OLFM3: variants seen among roughly 807,000 people sequenced by gnomAD.
OLFM3 encodes noelin-3.
Under a neutral mutation model 48.6 loss-of-function variants are expected in OLFM3, and 20 were observed. The ratio of observed to expected loss-of-function variants is 0.41; its 90% CI spans 0.29 to 0.60. The LOEUF (loss-of-function observed/expected upper bound fraction) is 0.60, where lower values mean the gene tolerates loss of function less well. OLFM3 is among the 20% of genes least tolerant of loss of function. The probability of loss-of-function intolerance (pLI) is 0.28; values close to 1 mark genes in which losing one functional copy is unlikely to be tolerated. For missense variants in OLFM3, 437 were observed against 544.3 expected, an observed-to-expected ratio of 0.80 and a Z score of 1.96; for synonymous variants, 222 against 198.1, an observed-to-expected ratio of 1.12 and a Z score of -1.01.
At chr1:101,886,448 T>G (rs1002796703) in intron 1 of OLFM3, among the ~76,000 whole-genome samples, 10 of 151,990 alleles carry the variant, frequency 6.6e-5, no homozygotes, top group Admixed American at 3.3e-4. Flanking sequence ...TGTATGTACA[T>G]AAAATAAAGT....
At chr1:101,896,595 C>G (rs975185126) in intron 1 of OLFM3, among the ~76,000 whole-genome samples, 7 of 147,484 alleles carry the variant, frequency 4.7e-5, no homozygotes, top group South Asian at 2.2e-4. Flanking sequence ...CTCCGGTTCA[C>G]GCCATTCTCC....
chr1:101,898,934 A>G (rs999655964), intron 1 of OLFM3, among the ~76,000 whole-genome samples: 1 of 152,164 alleles, frequency 6.6e-6, no homozygotes, highest in Non-Finnish European at 1.5e-5. Flanking sequence ...TTATTCAGCA[A>G]TTCATTCATT....
intron 3 of OLFM3, among the ~76,000 whole-genome samples, chr1:101,827,933 T>C (rs1003907645): frequency 6.6e-6 from 1 of 152,130 alleles, no homozygotes; most frequent in African/African-American, 2.4e-5. Context: ...GGGGGTGGTT[T>C]CCCCCATGCT....
chr1:101,937,687 C>A (rs1659665958), intron 1 of OLFM3, among the ~76,000 whole-genome samples: 1 of 152,148 alleles, frequency 6.6e-6, no homozygotes, highest in African/African-American at 2.4e-5. Context: ...TTTTTCCTCC[C>A]AGTCTCAGGT....
intron 1 of OLFM3, among the ~76,000 whole-genome samples, chr1:101,915,646 A>C (rs865841544): frequency 1.3e-4 from 20 of 152,194 alleles, no homozygotes; most frequent in Admixed American, 7.2e-4. Flanking sequence ...ATGAATGTTA[A>C]AATAAAGTAA....
In OLFM3 at chr1:101,896,488, C is replaced by CTTTTT. The variant is rs35260761; in HGVS notation, c.70-59468_70-59464dup. On this transcript the variant is annotated intron_variant, in intron 1 of 5. Coordinates refer to ENST00000370103, the MANE Select transcript of OLFM3 (RefSeq NM_058170.4). Reference sequence around the variant, plus strand: ...TTTTTCAATTTAGCATGCTTACACACTTTTTTTTTTTTTTTTTTTTTTTTG... The same window carrying CTTTTT: ...TTTTTCAATTTAGCATGCTTACACACTTTTTTTTTTTTTTTTTTTTTTTTTTTTTG... 8.3e-4 allele frequency among the ~76,000 whole-genome samples: 64 copies of CTTTTT among 76,694 alleles called. 1 individual carries two copies. The highest frequency in any genetic ancestry group is 1.5e-3 in the Admixed American group (9 of 6,132). 50.3% of individuals were successfully genotyped at this position (76,694 alleles called of 152,430 possible). A position where few individuals can be genotyped will look rare whatever the true frequency, so the allele number is the denominator to read the frequency against.
intron 1 of OLFM3, among the ~76,000 whole-genome samples, chr1:101,919,858 A>G (rs1038703078): frequency 6.6e-6 from 1 of 152,146 alleles, no homozygotes; most frequent in Non-Finnish European, 1.5e-5. Flanking sequence ...AGCATATCCT[A>G]AACTGAATTT....
intron 1 of OLFM3, among the ~76,000 whole-genome samples, chr1:101,912,750 A>G (rs1289250693): frequency 1.3e-5 from 2 of 152,206 alleles, no homozygotes; most frequent in Non-Finnish European, 2.9e-5. Flanking sequence ...TATTATCTAA[A>G]TTTCCTCCAT....
At chr1:101,895,970 GTAATAATAATAATAATAA>G (rs71720190) in intron 1 of OLFM3, among the ~76,000 whole-genome samples, 2 of 145,048 alleles carry the variant, frequency 1.4e-5, no homozygotes, top group African/African-American at 2.5e-5. Flanking sequence ...TAAAACATAG[GTAATAATAATAATAATAA>G]TAATAATAAT....
intron 1 of OLFM3, chr1:101,893,321 A>T (rs571390014): frequency 1.3e-5 from 5 of 377,930 alleles, no homozygotes; most frequent in Non-Finnish European, 2.7e-5. Flanking sequence ...AATTCATCAG[A>T]TAGAACCCGG....
At chr1:101,996,393 A>G (rs1661557270) in intron 1 of OLFM3, among the ~76,000 whole-genome samples, 1 of 152,108 alleles carries the variant, frequency 6.6e-6, no homozygotes, top group Admixed American at 6.5e-5. Context: ...CATGTTTATA[A>G]ATTGCATTGT....
intron 1 of OLFM3, among the ~76,000 whole-genome samples, chr1:101,889,203 G>C (rs1371651098): frequency 6.6e-6 from 1 of 152,086 alleles, no homozygotes; most frequent in Non-Finnish European, 1.5e-5. Context: ...ACATGCACAC[G>C]TATGTTTATT....
intron 1 of OLFM3, among the ~76,000 whole-genome samples, chr1:101,946,130 G>A (rs1046911292): frequency 3.9e-5 from 6 of 152,136 alleles, no homozygotes; most frequent in African/African-American, 1.4e-4. Context: ...TAAGTTTGCA[G>A]ATCACTGAGA....
chr1:101,988,692 A>C (rs578220206), intron 1 of OLFM3, among the ~76,000 whole-genome samples: 1 of 152,202 alleles, frequency 6.6e-6, no homozygotes, highest in South Asian at 2.1e-4. Context: ...ATCTTATATC[A>C]ATAAGACACT....
At chr1:101,891,903 T>C (rs1025441062) in intron 1 of OLFM3, among the ~76,000 whole-genome samples, 2 of 152,006 alleles carry the variant, frequency 1.3e-5, no homozygotes, top group African/African-American at 4.8e-5. Context: ...AATATAAATG[T>C]TGAACATGGC....
At chr1:101,992,138 T>C (rs563002475) in intron 1 of OLFM3, among the ~76,000 whole-genome samples, 1 of 152,272 alleles carries the variant, frequency 6.6e-6, no homozygotes, top group Non-Finnish European at 1.5e-5. Context: ...ATGAAGGACC[T>C]TGAATCCTCT....
At chr1:101,914,454 C>T (rs75146739) in intron 1 of OLFM3, among the ~76,000 whole-genome samples, 3 of 152,286 alleles carry the variant, frequency 2.0e-5, no homozygotes, top group Non-Finnish European at 4.4e-5. Flanking sequence ...CTGTATACAA[C>T]AGTAGTTCTT....
At chr1:101,955,009 C>T (rs192319423) in intron 1 of OLFM3, among the ~76,000 whole-genome samples, 1 of 152,184 alleles carries the variant, frequency 6.6e-6, no homozygotes, top group East Asian at 1.9e-4. Flanking sequence ...GAGCCAATCA[C>T]ACCACCTGGT....
chr1:101,850,752 G>A (rs1274023109), intron 1 of OLFM3, among the ~76,000 whole-genome samples: 2 of 152,096 alleles, frequency 1.3e-5, no homozygotes, highest in South Asian at 2.1e-4. Context: ...TAGATTGCTT[G>A]CTAAACAGTA....
Sources: allele counts gnomAD v4.1 joint callset (sites outside exome capture counted in the v4.1 genomes callset), GRCh38; gene constraint gnomAD v4.1.1; transcripts MANE v1.5; gene names NCBI Gene and HGNC (gene_info 2026-07-23, HGNC 2026-07-21).